MSH4: variants seen among roughly 807,000 people sequenced by gnomAD.
The protein encoded by MSH4 is mutS homolog 4.
In MSH4, 106 loss-of-function variants were observed where a neutral mutation model predicts 113.7. The ratio of observed to expected loss-of-function variants is 0.93; its 90% CI spans 0.80 to 1.10. The LOEUF (loss-of-function observed/expected upper bound fraction) is 1.10, where lower values mean the gene tolerates loss of function less well. MSH4 is among the 50% of genes least tolerant of loss of function. The pLI, the probability that MSH4 is intolerant of heterozygous loss-of-function variation, is 0.00. For synonymous variants in MSH4, 368 were observed against 380.2 expected (o/e 0.97, Z 0.37); for missense variants, 1,061 against 1,093.7 (o/e 0.97, Z 0.42).
intron 17 of MSH4, 123 bp from the exon 18 acceptor site, chr1:75,897,784 A>T (rs2100588120): frequency 2.0e-6 from 1 of 500,316 alleles, no homozygotes; most frequent in Non-Finnish European, 3.3e-6. Flanking sequence ...TATTAGTTTT[A>T]TTCCTACATC....
In MSH4 at chr1:75,833,161, C is replaced by T. The variant is rs535661831; in HGVS notation, c.1162+10580C>T. ...CAATAACAGACATACAGAGAGCCAA[C>T]TCATGAGTGAACTCCCATTCACAGT... is the stretch of plus-strand genomic sequence containing the variant. On this transcript the variant is annotated intron_variant, in intron 7 of 19. Transcript: ENST00000263187. Among the ~76,000 whole-genome samples, 9 of 152,172 alleles carry T rather than the reference C, an allele frequency of 5.9e-5. No homozygotes were observed. In the South Asian group the frequency reaches 8.3e-4, roughly 14 times the overall value.
At position 75,889,384 on chromosome 1, in the gene MSH4, C is replaced by T. The variant is rs976391035; in HGVS notation, c.2226+15C>T. ...AAATGAAAGAGGTACCCAAACAAAA[C>T]TTTTCTTATGTTAAAAACATTAAAT... On this transcript the variant is annotated intron_variant, in intron 16 of 19. Transcript: ENST00000263187. The T allele has an allele frequency of 8.6e-7, 1 of 1,165,338 alleles. No individual in the cohort carries two copies. The highest frequency in any genetic ancestry group is 1.2e-6 in the Non-Finnish European group (1 of 808,846). The allele number at this position is 1,165,338 out of a possible 1,614,324, so 72.2% of individuals were successfully genotyped here.
intron 7 of MSH4, among the ~76,000 whole-genome samples, chr1:75,838,592 G>A (rs1191481751): frequency 1.3e-5 from 2 of 152,038 alleles, no homozygotes; most frequent in African/African-American, 2.4e-5. Flanking sequence ...ACAACTTTTA[G>A]ATTAAAATGC....
At chr1:75,865,410 G>A (rs1183162279) in intron 8 of MSH4, among the ~76,000 whole-genome samples, 1 of 152,064 alleles carries the variant, frequency 6.6e-6, no homozygotes, top group Non-Finnish European at 1.5e-5. Flanking sequence ...TTATGAAGAT[G>A]ATTGAATGAT....
At chr1:75,798,890 GCTTA>G (rs1265168427) in intron 1 of MSH4, among the ~76,000 whole-genome samples, 1 of 152,032 alleles carries the variant, frequency 6.6e-6, no homozygotes, top group Non-Finnish European at 1.5e-5. Context: ...CATCCTTGTA[GCTTA>G]CTTACTGTAC....
At chr1:75,798,049 A>G (rs1379974350) in intron 1 of MSH4, among the ~76,000 whole-genome samples, 1 of 152,190 alleles carries the variant, frequency 6.6e-6, no homozygotes, top group Non-Finnish European at 1.5e-5. Flanking sequence ...TTGCAACACA[A>G]TGGTAAAGTA....
intron 9 of MSH4, among the ~76,000 whole-genome samples, chr1:75,872,854 G>A (rs1245837067): frequency 2.0e-5 from 3 of 152,154 alleles, no homozygotes; most frequent in African/African-American, 7.2e-5. Context: ...AGTTTGCCAA[G>A]GTCATTGCTG....
chr1:75,811,567 T>C (rs1650189778), intron 4 of MSH4, among the ~76,000 whole-genome samples: 1 of 152,160 alleles, frequency 6.6e-6, no homozygotes, highest in South Asian at 2.1e-4. Context: ...TACAGAATTG[T>C]TTCAGCTTCC....
chr1:75,848,427 ACTTT>A, intron 8 of MSH4, 151 bp downstream of exon 8: 1 of 641,796 alleles, frequency 1.6e-6, no homozygotes, highest in Non-Finnish European at 2.7e-6. Flanking sequence ...TGTAGAGGAA[ACTTT>A]TTTCCTAATG....
rs757055099 is a variant in MSH4 at position 75,878,328 on chromosome 1, TTA to T, written c.1540+12_1540+13del. 166 of 1,561,688 alleles carry T rather than the reference TTA, an allele frequency of 1.1e-4. 1 individual carries two copies. The African/African-American group carries it at 2.2e-3, about 20-fold the overall frequency. Reference sequence around the variant, plus strand: ...GTAGATGACATAGCAGGTAATTTCTTTATTTGATAATGTTTTTTGTAGGGATA... The same window carrying T: ...GTAGATGACATAGCAGGTAATTTCTTTTTGATAATGTTTTTTGTAGGGATA... On this transcript the variant is annotated intron_variant, in intron 11 of 19. Transcript: ENST00000263187.
Position 75,912,693 on chromosome 1 carries a change from C to T in MSH4, c.2620-3C>T, listed in dbSNP as rs771718368. 2 of 1,474,238 alleles carry T rather than the reference C, an allele frequency of 1.4e-6. No homozygotes were observed. The highest frequency in any genetic ancestry group is 1.5e-5 in the African/African-American group (1 of 67,046). The allele number at this position is 1,474,238 out of a possible 1,614,324, so 91.3% of individuals were successfully genotyped here. A position where few individuals can be genotyped will look rare whatever the true frequency, so the allele number is the denominator to read the frequency against. On this transcript the variant is annotated splice_polypyrimidine_tract_variant and splice_region_variant and intron_variant, in intron 19 of 19. Coordinates refer to ENST00000263187, the MANE Select transcript of MSH4 (RefSeq NM_002440.4). Reference sequence around the variant, plus strand: ...ATATATATTTTTTTTTTTTCAATGACAGCAAAACCAAAGGAGTACCCCTGA... The same window carrying T: ...ATATATATTTTTTTTTTTTCAATGATAGCAAAACCAAAGGAGTACCCCTGA...
At chr1:75,854,009 G>GTATATATATATATATATA (rs1401266837) in intron 8 of MSH4, among the ~76,000 whole-genome samples, 1 of 50,668 alleles carries the variant, frequency 2.0e-5, no homozygotes. Context: ...ATAAGTGTGT[G>GTATATATATATATATATA]TGTGTATATA....
At chr1:75,887,307 T>A (rs746291032) in intron 15 of MSH4, among the ~76,000 whole-genome samples, 16 of 152,126 alleles carry the variant, frequency 1.1e-4, no homozygotes, top group Non-Finnish European at 1.6e-4. Flanking sequence ...ATGAGGACGG[T>A]CCTTGCTTTC....
intron 19 of MSH4, among the ~76,000 whole-genome samples, chr1:75,906,012 G>A (rs1652620266): frequency 6.6e-6 from 1 of 151,338 alleles, no homozygotes; most frequent in Admixed American, 6.6e-5. Flanking sequence ...TTTTTTTGAG[G>A]CAGAGTTTTG....
chr1:75,824,299 C>T (rs1307078547), intron 7 of MSH4, among the ~76,000 whole-genome samples: 3 of 152,144 alleles, frequency 2.0e-5, no homozygotes, highest in African/African-American at 7.2e-5. Flanking sequence ...TGTTCATATC[C>T]TCTGCCCACT....
At chr1:75,844,550 C>T (rs1279973117) in intron 7 of MSH4, among the ~76,000 whole-genome samples, 2 of 151,988 alleles carry the variant, frequency 1.3e-5, no homozygotes, top group Non-Finnish European at 2.9e-5. Flanking sequence ...TGGTCTCAAA[C>T]TCCTAAGCTC....
chr1:75,910,784 T>C (rs1346033027), intron 19 of MSH4, among the ~76,000 whole-genome samples: 1 of 152,104 alleles, frequency 6.6e-6, no homozygotes, highest in African/African-American at 2.4e-5. Context: ...GTTAAATTTA[T>C]CATCTTCTAA....
At position 75,817,169 on chromosome 1, in the gene MSH4, A is replaced by G. The variant is rs543935911; in HGVS notation, c.989+623A>G. Among the ~76,000 whole-genome samples the G allele has an allele frequency of 7.4e-4, 112 of 152,334 alleles. 2 individuals carry two copies. In the South Asian group the frequency reaches 0.01, roughly 14 times the overall value. ...AGATGTTTCACCAAAATCAAGTTTT[A>G]AAAAGATATTTGTACTAAATAACAA... On this transcript the variant is annotated intron_variant, in intron 6 of 19. Transcript: ENST00000263187.
At chr1:75,875,619 A>G (rs999697100) in intron 9 of MSH4, among the ~76,000 whole-genome samples, 2 of 152,178 alleles carry the variant, frequency 1.3e-5, no homozygotes, top group African/African-American at 4.8e-5. Context: ...CTGATGTTTC[A>G]TCTCACTTAG....
Sources: gnomAD v4.1 joint callset for allele counts (sites outside exome capture counted in the v4.1 genomes callset) on GRCh38, gnomAD v4.1.1 for gene constraint, MANE v1.5 for transcripts, NCBI Gene and HGNC (gene_info 2026-07-23, HGNC 2026-07-21) for gene names.